Variants in COL5A2 observed in about 807,000 individuals in gnomAD.
The protein encoded by COL5A2 is collagen alpha-2(V) chain.
COL5A2 carries 23 observed loss-of-function variants against 208.2 expected under a neutral mutation model. The observed-to-expected ratio is 0.11, with a 90% CI of 0.08 to 0.16. The LOEUF (loss-of-function observed/expected upper bound fraction) is 0.16, where lower values mean the gene tolerates loss of function less well. Among genes scored for constraint, COL5A2 ranks in the 10% least tolerant of loss-of-function variants. COL5A2 has a pLI of 1.00. For synonymous variants in COL5A2, 625 were observed against 628.5 expected (o/e 0.99, Z 0.08); for missense variants, 1,590 against 1,956.4 (o/e 0.81, Z 3.53).
the COL5A2 span, among the ~76,000 whole-genome samples, chr2:189,290,619 A>G: frequency 2.0e-5 from 3 of 152,094 alleles, no homozygotes; most frequent in Admixed American, 6.6e-5. Flanking sequence ...TGCCATGAAA[A>G]AGAGAGATAA....
chr2:189,319,661 G>A, the COL5A2 span, among the ~76,000 whole-genome samples: 16 of 152,250 alleles, frequency 1.1e-4, no homozygotes, highest in East Asian at 1.9e-4. Flanking sequence ...TAAACAAAGC[G>A]ACCAGGAAGC....
At chr2:189,287,283 T>G in the COL5A2 span, among the ~76,000 whole-genome samples, 2 of 152,090 alleles carry the variant, frequency 1.3e-5, no homozygotes, top group Non-Finnish European at 2.9e-5. Context: ...TATAAAATTT[T>G]TTTACAAAAA....
the COL5A2 span, among the ~76,000 whole-genome samples, chr2:189,336,413 C>T: frequency 2.6e-5 from 4 of 152,076 alleles, no homozygotes; most frequent in African/African-American, 7.2e-5. Flanking sequence ...CATAAAATGG[C>T]TTTTACAAGA....
At chr2:189,123,436 G>C (rs918592364) in intron 1 of COL5A2, among the ~76,000 whole-genome samples, 1 of 152,152 alleles carries the variant, frequency 6.6e-6, no homozygotes, top group Non-Finnish European at 1.5e-5. Flanking sequence ...GACCTAATTA[G>C]TTAAGATGAG....
chr2:189,051,646 AG>A (rs1269511394), intron 41 of COL5A2, among the ~76,000 whole-genome samples, 165 bp from the exon 42 acceptor site: 1 of 119,234 alleles, frequency 8.4e-6, no homozygotes, highest in Non-Finnish European at 1.9e-5. Context: ...ACAAAACAAA[AG>A]AAAACACAGC....
At chr2:189,083,858 C>G in intron 12 of COL5A2, 126 bp downstream of exon 12, 7 of 749,380 alleles carry the variant, frequency 9.3e-6, no homozygotes, top group Non-Finnish European at 1.6e-5. Flanking sequence ...TACATTTTTA[C>G]GGAAACAAAC....
chr2:189,433,122 T>C, the COL5A2 span, among the ~76,000 whole-genome samples: 1 of 152,206 alleles, frequency 6.6e-6, no homozygotes, highest in African/African-American at 2.4e-5. Context: ...AAAGATGTTC[T>C]TTGAAACCAA....
the COL5A2 span, among the ~76,000 whole-genome samples, chr2:189,436,061 G>A: frequency 6.6e-6 from 1 of 152,082 alleles, no homozygotes; most frequent in South Asian, 2.1e-4. Flanking sequence ...ATCATTCCCA[G>A]CAAACTATCA....
intron 1 of COL5A2, among the ~76,000 whole-genome samples, chr2:189,169,216 A>AATTTAT (rs1688526081): frequency 6.6e-6 from 1 of 152,188 alleles, no homozygotes; most frequent in Admixed American, 6.5e-5. Context: ...ATAGTTTCAC[A>AATTTAT]AACTAAACTC....
the COL5A2 span, among the ~76,000 whole-genome samples, chr2:189,331,002 G>T: frequency 6.6e-6 from 1 of 152,164 alleles, no homozygotes; most frequent in African/African-American, 2.4e-5. Context: ...AGAATTAACA[G>T]ACAAGAGTTT....
the COL5A2 span, among the ~76,000 whole-genome samples, chr2:189,243,184 G>A: frequency 6.6e-6 from 1 of 151,936 alleles, no homozygotes; most frequent in Non-Finnish European, 1.5e-5. Context: ...AACACTGGAA[G>A]CTTAAAGGAA....
chr2:189,212,864 AAT>A (rs34736257), intron 1 of COL5A2, among the ~76,000 whole-genome samples: 112,539 of 144,124 alleles, frequency 0.78, 43,950 homozygotes, highest in East Asian at 0.92. Context: ...TATAGTGTTA[AAT>A]ATATATATAT....
chr2:189,251,378 G>A, the COL5A2 span, among the ~76,000 whole-genome samples: 8 of 152,192 alleles, frequency 5.3e-5, no homozygotes, highest in Non-Finnish European at 1.0e-4. Context: ...CACCTACTGT[G>A]TTCCTAGAAC....
chr2:189,376,760 TC>T, the COL5A2 span, among the ~76,000 whole-genome samples: 1 of 152,202 alleles, frequency 6.6e-6, no homozygotes, highest in African/African-American at 2.4e-5. Context: ...CCCTTGGTAA[TC>T]ATTGACACAG....
the COL5A2 span, among the ~76,000 whole-genome samples, chr2:189,300,057 T>A: frequency 6.6e-6 from 1 of 152,130 alleles, no homozygotes; most frequent in South Asian, 2.1e-4. Context: ...TATGCATCAA[T>A]CTCCAGGTTA....
the COL5A2 span, among the ~76,000 whole-genome samples, chr2:189,240,093 G>A: frequency 6.6e-6 from 1 of 152,202 alleles, no homozygotes; most frequent in Non-Finnish European, 1.5e-5. Context: ...AATGATATAC[G>A]TGAGCCAAAT....
At chr2:189,436,375 T>C in the COL5A2 span, among the ~76,000 whole-genome samples, 8 of 151,826 alleles carry the variant, frequency 5.3e-5, no homozygotes, top group African/African-American at 1.5e-4. Context: ...GTGCCTGTTG[T>C]GGGGTGGGGG....
Position 189,042,811 on chromosome 2 carries a change from T to C in COL5A2, c.3472-38A>G, listed in dbSNP as rs746877070. On this transcript the variant is annotated intron_variant, in intron 48 of 53. Coordinates refer to ENST00000374866, the MANE Select transcript of COL5A2 (RefSeq NM_000393.5). The stretch of plus-strand genomic sequence containing the variant: ...ACAATAAAAAATGTTGCCAAAATAT[T>C]TGGATCCTGCATTGTGCCATTCTCA... 3.2e-6 allele frequency: 5 copies of C among 1,576,712 alleles called. No individual in the cohort carries two copies. The South Asian group carries it at 5.7e-5, about 18-fold the overall frequency.
chr2:189,191,176 A>C lies in COL5A2; in HGVS notation c.-42+33972T>G, dbSNP rs1013953537. Among the ~76,000 whole-genome samples, 11 of 148,894 alleles carry C rather than the reference A, an allele frequency of 7.4e-5. 1 individual carries two copies. The highest frequency in any genetic ancestry group is 3.9e-4 in the East Asian group (2 of 5,136). On this transcript the variant is annotated intron_variant, in intron 1 of 10. Transcript: ENST00000649966. The stretch of plus-strand genomic sequence containing the variant: ...ACAAAAAACAAACAAACAACAAAAA[A>C]CAACAACAAAAAAAACCACTCAGGT...
Sources: allele counts gnomAD v4.1 joint callset (sites outside exome capture counted in the v4.1 genomes callset), GRCh38; gene constraint gnomAD v4.1.1; transcripts MANE v1.5; gene names NCBI Gene and HGNC (gene_info 2026-07-23, HGNC 2026-07-21).